YEATS4: variants seen among roughly 807,000 people sequenced by gnomAD.
The protein encoded by YEATS4 is YEATS domain containing 4.
In YEATS4, 17 loss-of-function variants were observed where a neutral mutation model predicts 30.1. The observed-to-expected ratio is 0.56, with a 90% CI of 0.39 to 0.85. The LOEUF (loss-of-function observed/expected upper bound fraction) is 0.85, where lower values mean the gene tolerates loss of function less well. YEATS4 is among the 40% of genes least tolerant of loss of function. YEATS4 has a pLI of 0.00. For missense variants in YEATS4, 142 were observed against 268.3 expected, an observed-to-expected ratio of 0.53 and a Z score of 3.29; for synonymous variants, 85 against 87.5, an observed-to-expected ratio of 0.97 and a Z score of 0.16.
Position 69,370,926 on chromosome 12 carries a change from GACA to G in YEATS4, c.469_471del (p.Thr157del). The G allele has an allele frequency of 6.2e-7, 1 of 1,613,288 alleles. No individual in the cohort carries two copies. Among genetic ancestry groups the G allele is most frequent in the Non-Finnish European group, 8.5e-7 (1 of 1,179,706 alleles). On this transcript the variant is annotated inframe_deletion, in exon 6 of 7. Coordinates refer to ENST00000247843, the MANE Select transcript of YEATS4 (RefSeq NM_006530.4). ...CAACAGCAATGATGCAACAATTATT[GACA>G]ACATCTCGTCAGCTAACATTAGGAG...
At chr12:69,395,401 C>T (rs563338685), downstream of YEATS4, among the ~76,000 whole-genome samples, 376 of 152,018 alleles carry the variant, frequency 2.5e-3, no homozygotes, top group Non-Finnish European at 4.4e-3. Flanking sequence ...CTGTGGTTGT[C>T]AAAATGAATA....
At chr12:69,384,774 AAG>A (rs1244469346) in intron 6 of YEATS4, among the ~76,000 whole-genome samples, 1 of 152,216 alleles carries the variant, frequency 6.6e-6, no homozygotes, top group African/African-American at 2.4e-5. Flanking sequence ...CCAAAAGGCA[AAG>A]AAGAAAAGTT....
chr12:69,420,239 A>G, the YEATS4 span, among the ~76,000 whole-genome samples: 1 of 152,170 alleles, frequency 6.6e-6, no homozygotes, highest in Non-Finnish European at 1.5e-5. Context: ...GGATGCAAGG[A>G]AGGACATTTG....
At chr12:69,360,149 A>G in intron 1 of YEATS4, 126 bp downstream of exon 1, 6 of 1,097,802 alleles carry the variant, frequency 5.5e-6, no homozygotes, top group African/African-American at 1.6e-5. Context: ...CCGTGGTTTC[A>G]GGTTGGAGAG....
At chr12:69,373,702 T>G (rs1167054558) in intron 6 of YEATS4, among the ~76,000 whole-genome samples, 1 of 152,136 alleles carries the variant, frequency 6.6e-6, no homozygotes, top group Non-Finnish European at 1.5e-5. Flanking sequence ...CTTTGTCCAG[T>G]CCAGTGTCCT....
At chr12:69,364,139 A>G (rs757036831) in intron 2 of YEATS4, 2 of 445,992 alleles carry the variant, frequency 4.5e-6, no homozygotes, top group Non-Finnish European at 9.0e-6. Flanking sequence ...AGTGATTCTT[A>G]TGAGACTCTG....
At chr12:69,371,856 A>G (rs1875651870) in intron 6 of YEATS4, among the ~76,000 whole-genome samples, 2 of 152,236 alleles carry the variant, frequency 1.3e-5, no homozygotes, top group Non-Finnish European at 2.9e-5. Flanking sequence ...AGTTTTAGAT[A>G]CTGATATCAA....
At chr12:69,368,813 T>C (rs185427600) in intron 4 of YEATS4, among the ~76,000 whole-genome samples, 7 of 152,334 alleles carry the variant, frequency 4.6e-5, no homozygotes, top group African/African-American at 7.2e-5. Context: ...TTCTCCCTGG[T>C]CTCTGTGTCT....
the YEATS4 span, among the ~76,000 whole-genome samples, chr12:69,426,623 A>G: frequency 6.6e-6 from 1 of 152,146 alleles, no homozygotes; most frequent in African/African-American, 2.4e-5. Flanking sequence ...CGCCTGCCTC[A>G]GCCTCCCAAA....
chr12:69,414,036 A>G, the YEATS4 span, among the ~76,000 whole-genome samples: 1 of 152,094 alleles, frequency 6.6e-6, no homozygotes, highest in African/African-American at 2.4e-5. Flanking sequence ...TTGTAGATAC[A>G]TGACATCTAT....
At chr12:69,394,078 C>A (rs1868334397), downstream of YEATS4, among the ~76,000 whole-genome samples, 1 of 152,040 alleles carries the variant, frequency 6.6e-6, no homozygotes, top group South Asian at 2.1e-4. Context: ...GAGGAAAAAA[C>A]AAAGGGGGCA....
At chr12:69,362,679 CTA>C (rs1875267109) in intron 1 of YEATS4, 107 bp from the exon 2 acceptor site, 1 of 805,240 alleles carries the variant, frequency 1.2e-6, no homozygotes, top group African/African-American at 1.8e-5. Context: ...TATAAGCAAA[CTA>C]TAGATTGTTA....
At chr12:69,360,661 A>G in intron 1 of YEATS4, among the ~76,000 whole-genome samples, 1 of 134,264 alleles carries the variant, frequency 7.4e-6, no homozygotes, top group Non-Finnish European at 1.6e-5. Flanking sequence ...AGCCCCTGGC[A>G]CGTTAATTTT....
intron 4 of YEATS4, among the ~76,000 whole-genome samples, chr12:69,369,837 A>G (rs1044540029): frequency 5.9e-5 from 9 of 152,166 alleles, no homozygotes; most frequent in African/African-American, 1.9e-4. Context: ...TTTAAGTAGG[A>G]TATTTCCACT....
chr12:69,394,875 C>T (rs1459729034), downstream of YEATS4, among the ~76,000 whole-genome samples: 1 of 152,120 alleles, frequency 6.6e-6, no homozygotes, highest in African/African-American at 2.4e-5. Context: ...AGCCACCATG[C>T]CTAGCTTGAG....
At chr12:69,388,539 T>C (rs1305059635) in intron 6 of YEATS4, among the ~76,000 whole-genome samples, 1 of 152,198 alleles carries the variant, frequency 6.6e-6, no homozygotes, top group Non-Finnish European at 1.5e-5. Flanking sequence ...ACTTTAATAG[T>C]GAGCAGCAGT....
chr12:69,369,646 CCTT>C (rs1184944309), intron 4 of YEATS4, among the ~76,000 whole-genome samples: 2 of 152,280 alleles, frequency 1.3e-5, no homozygotes, highest in African/African-American at 4.8e-5. Context: ...TGTTTATTAT[CCTT>C]CTTGGTAGAC....
the YEATS4 span, among the ~76,000 whole-genome samples, chr12:69,424,337 T>C: frequency 1.3e-5 from 2 of 152,210 alleles, no homozygotes; most frequent in African/African-American, 4.8e-5. Flanking sequence ...CTCATTTCCA[T>C]ACTCAGGAGA....
rs150222776 is a variant in YEATS4, at chr12:69,360,563, C to T, written c.51+540C>T. Among the ~76,000 whole-genome samples, 317 of 152,262 alleles carry T rather than the reference C, an allele frequency of 2.1e-3. 2 individuals carry two copies. The highest frequency in any genetic ancestry group is 7.1e-3 in the African/African-American group (296 of 41,556). On this transcript the variant is annotated intron_variant, in intron 1 of 6. Transcript: ENST00000247843. Reference sequence around the variant, plus strand: ...CTGTGCCTGGCACATGGGGAACATTCAGTAAATGTCAACTTCTTTTGTTTT... The same window carrying T: ...CTGTGCCTGGCACATGGGGAACATTTAGTAAATGTCAACTTCTTTTGTTTT...
Sources: allele counts gnomAD v4.1 joint callset (sites outside exome capture counted in the v4.1 genomes callset), GRCh38; gene constraint gnomAD v4.1.1; transcripts MANE v1.5; gene names NCBI Gene and HGNC (gene_info 2026-07-23, HGNC 2026-07-21).